SMYD3: variants seen among roughly 807,000 people sequenced by gnomAD.
SMYD3 encodes the protein SET and MYND domain containing 3.
A neutral mutation model predicts 57.7 loss-of-function variants in SMYD3; 36 were observed. The observed-to-expected ratio is 0.62, with a 90% CI of 0.48 to 0.82. SMYD3 has a LOEUF of 0.82. Ranked by LOEUF, SMYD3 falls within the 40% of genes least tolerant of loss-of-function variation. The pLI, the probability that SMYD3 is intolerant of heterozygous loss-of-function variation, is 0.00. For missense variants in SMYD3, 515 were observed against 538.8 expected (o/e 0.96, Z 0.44); for synonymous variants, 211 against 195.0 (o/e 1.08, Z -0.68).
chr1:246,501,813 T>G (rs6671459), intron 1 of SMYD3, among the ~76,000 whole-genome samples: 8,266 of 152,268 alleles, frequency 0.054, 714 homozygotes, highest in African/African-American at 0.19. Context: ...AAGTTTTAAG[T>G]AGACCCTCAG....
At chr1:246,176,011 G>T (rs1019619542) in intron 5 of SMYD3, among the ~76,000 whole-genome samples, 2 of 152,136 alleles carry the variant, frequency 1.3e-5, no homozygotes, top group Non-Finnish European at 2.9e-5. Flanking sequence ...CCTTTTAGAA[G>T]AGATATTTAT....
intron 1 of SMYD3, among the ~76,000 whole-genome samples, chr1:246,374,051 A>G (rs1033518047): frequency 1.3e-5 from 2 of 152,202 alleles, no homozygotes; most frequent in African/African-American, 4.8e-5. Flanking sequence ...CTTTCCTAGC[A>G]TGAAGAAATA....
At chr1:245,815,535 C>CT (rs1362529152) in intron 10 of SMYD3, among the ~76,000 whole-genome samples, 2 of 152,248 alleles carry the variant, frequency 1.3e-5, no homozygotes, top group Non-Finnish European at 2.9e-5. Flanking sequence ...CCAAGTGACT[C>CT]TGATGCATAT....
chr1:246,330,340 GTT>G (rs1262425911), intron 4 of SMYD3, 138 bp downstream of exon 4: 4 of 600,474 alleles, frequency 6.7e-6, no homozygotes, highest in Non-Finnish European at 1.1e-5. Context: ...CAGTGTGACA[GTT>G]GTATATAAAA....
rs542395295 is a variant in SMYD3, at chr1:245,874,438, T to C, written c.814-10552A>G. The stretch of plus-strand genomic sequence containing the variant: ...ACATAACAAGTCCCTGAGACACAAG[T>C]CTAGACATAGCTTTTTAGGAGGCAA... On this transcript the variant is annotated intron_variant, in intron 8 of 11. Transcript: ENST00000490107. Among the ~76,000 whole-genome samples the C allele has an allele frequency of 9.9e-5, 15 of 152,264 alleles. No individual in the cohort carries two copies. In the South Asian group the frequency reaches 1.2e-3, roughly 13 times the overall value.
At chr1:245,762,564 T>C (rs1336046277) in intron 11 of SMYD3, among the ~76,000 whole-genome samples, 1 of 152,194 alleles carries the variant, frequency 6.6e-6, no homozygotes, top group Non-Finnish European at 1.5e-5. Flanking sequence ...GGTGCGGTGT[T>C]CTTCCCCCGC....
At chr1:246,294,304 C>G (rs1336401970) in intron 5 of SMYD3, among the ~76,000 whole-genome samples, 1 of 152,200 alleles carries the variant, frequency 6.6e-6, no homozygotes, top group African/African-American at 2.4e-5. Flanking sequence ...CAGAAGCAAC[C>G]AGGGCCCACT....
At chr1:245,769,865 A>G (rs990212394) in intron 10 of SMYD3, among the ~76,000 whole-genome samples, 6 of 152,212 alleles carry the variant, frequency 3.9e-5, no homozygotes, top group African/African-American at 9.7e-5. Context: ...CAGTCAGCCC[A>G]TGGTATCGCT....
chr1:245,909,453 ATAAAACCAGCATTATG>A (rs1247904941), intron 8 of SMYD3, among the ~76,000 whole-genome samples: 4 of 152,182 alleles, frequency 2.6e-5, no homozygotes, highest in Non-Finnish European at 4.4e-5. Flanking sequence ...AAGTATATAT[ATAAAACCAGCATTATG>A]TAAAACCAGC....
At chr1:246,045,316 G>A (rs1191969340) in intron 5 of SMYD3, among the ~76,000 whole-genome samples, 1 of 152,042 alleles carries the variant, frequency 6.6e-6, no homozygotes, top group Non-Finnish European at 1.5e-5. Flanking sequence ...AGAGCCCTCA[G>A]AAATAATGCT....
intron 5 of SMYD3, among the ~76,000 whole-genome samples, chr1:246,175,718 G>A (rs180980122): frequency 3.9e-5 from 6 of 152,112 alleles, no homozygotes; most frequent in South Asian, 2.1e-4. Flanking sequence ...ATTTATTGCC[G>A]ACACTCCAGG....
chr1:245,984,074 A>G (rs1482919797), intron 5 of SMYD3, among the ~76,000 whole-genome samples: 1 of 145,320 alleles, frequency 6.9e-6, no homozygotes, highest in East Asian at 2.0e-4. Context: ...GTCTCGGCTC[A>G]CTGCAACCTC....
At chr1:245,952,759 G>A (rs1455760774) in intron 5 of SMYD3, among the ~76,000 whole-genome samples, 1 of 152,176 alleles carries the variant, frequency 6.6e-6, no homozygotes, top group Non-Finnish European at 1.5e-5. Flanking sequence ...TTTTTACTAA[G>A]CTAAAAGGAG....
At chr1:246,259,054 A>C (rs1372637686) in intron 5 of SMYD3, among the ~76,000 whole-genome samples, 2 of 152,200 alleles carry the variant, frequency 1.3e-5, no homozygotes, top group Admixed American at 6.5e-5. Flanking sequence ...TGAGTTTTTC[A>C]ATTCCAGAAC....
chr1:246,444,153 G>T (rs1318593653), intron 1 of SMYD3, among the ~76,000 whole-genome samples: 1 of 143,206 alleles, frequency 7.0e-6, no homozygotes, highest in African/African-American at 2.6e-5. Flanking sequence ...TGGAGACAGA[G>T]TCTCGTTCTG....
At chr1:246,231,906 C>T (rs1011591380) in intron 5 of SMYD3, among the ~76,000 whole-genome samples, 4 of 152,134 alleles carry the variant, frequency 2.6e-5, no homozygotes, top group Non-Finnish European at 5.9e-5. Context: ...AATTCTTATG[C>T]TCCAGTTGAG....
At position 246,481,593 on chromosome 1, in the gene SMYD3, C is replaced by CAT. The variant is rs1200097586; in HGVS notation, c.164+25459_164+25460dup. 3.9e-4 allele frequency among the ~76,000 whole-genome samples: 11 copies of CAT among 27,958 alleles called. 1 individual carries two copies. The highest frequency in any genetic ancestry group is 9.5e-4 in the African/African-American group (9 of 9,496). 18.3% of individuals were successfully genotyped at this position (27,958 alleles called of 152,430 possible). ...ACGGATCATGGGACTTCTCAGGCTC[C>CAT]ATATATATATATATACACATACATA... On this transcript the variant is annotated intron_variant, in intron 1 of 11. Transcript: ENST00000490107.
chr1:246,488,934 A>T (rs1241687485), intron 1 of SMYD3, among the ~76,000 whole-genome samples: 1 of 152,042 alleles, frequency 6.6e-6, no homozygotes, highest in African/African-American at 2.4e-5. Context: ...TGTGCCTTAA[A>T]ACACTAGATA....
intron 5 of SMYD3, among the ~76,000 whole-genome samples, chr1:246,023,183 G>A (rs1306592463): frequency 6.6e-6 from 1 of 152,148 alleles, no homozygotes. Context: ...CACAAGTGCT[G>A]GGAATTAAAG....
Sources: allele counts gnomAD v4.1 joint callset (sites outside exome capture counted in the v4.1 genomes callset), GRCh38; gene constraint gnomAD v4.1.1; transcripts MANE v1.5; gene names NCBI Gene and HGNC (gene_info 2026-07-23, HGNC 2026-07-21).